The following EPB41L5 variants were observed in gnomAD, a reference collection of about 807,000 sequenced individuals.
The protein encoded by EPB41L5 is erythrocyte membrane protein band 4.1 like 5.
EPB41L5 carries 55 observed loss-of-function variants against 106.6 expected under a neutral mutation model. The ratio of observed to expected loss-of-function variants is 0.52; its 90% CI spans 0.42 to 0.65. EPB41L5 has a LOEUF of 0.65. EPB41L5 is among the 30% of genes least tolerant of loss of function. The pLI is 0.00. For synonymous variants in EPB41L5, 297 were observed against 306.7 expected, an observed-to-expected ratio of 0.97 and a Z score of 0.33; for missense variants, 871 against 882.1, an observed-to-expected ratio of 0.99 and a Z score of 0.16.
chr2:120,104,912 TATC>T, intron 16 of EPB41L5: 2 of 977,592 alleles, frequency 2.0e-6, no homozygotes, highest in South Asian at 9.5e-5. Context: ...AACATTCAGT[TATC>T]ATAACAGTTA....
At chr2:120,048,892 C>T (rs535545029) in intron 3 of EPB41L5, among the ~76,000 whole-genome samples, 39 of 152,236 alleles carry the variant, frequency 2.6e-4, no homozygotes, top group African/African-American at 9.4e-4. Context: ...TTTCAAAGAA[C>T]ATCTTTATTT....
intron 10 of EPB41L5, among the ~76,000 whole-genome samples, chr2:120,084,341 A>G (rs1682907571): frequency 6.6e-6 from 1 of 152,116 alleles, no homozygotes; most frequent in African/African-American, 2.4e-5. Flanking sequence ...ATCTCTCAGC[A>G]TTTGCTTGTC....
chr2:120,118,601 CAT>C (rs1240640139), intron 16 of EPB41L5, among the ~76,000 whole-genome samples: 1 of 152,076 alleles, frequency 6.6e-6, no homozygotes. Context: ...TAAGTGAGAA[CAT>C]GTTTGGTTTT....
At chr2:120,165,227 AAGAT>A (rs1687338750) in intron 22 of EPB41L5, among the ~76,000 whole-genome samples, 1 of 152,238 alleles carries the variant, frequency 6.6e-6, no homozygotes, top group Admixed American at 6.5e-5. Flanking sequence ...GTTTTATAGA[AAGAT>A]GAGAGCGTAA....
At chr2:120,169,599 T>G (rs1687577605) in intron 24 of EPB41L5, among the ~76,000 whole-genome samples, 1 of 152,210 alleles carries the variant, frequency 6.6e-6, no homozygotes, top group Non-Finnish European at 1.5e-5. Context: ...CTTCTGTCTC[T>G]CTCTCCCTCT....
intron 10 of EPB41L5, among the ~76,000 whole-genome samples, chr2:120,083,235 G>A (rs1261423903): frequency 6.6e-6 from 1 of 152,100 alleles, no homozygotes; most frequent in Non-Finnish European, 1.5e-5. Flanking sequence ...TTCTCTTGTG[G>A]ACATTTAGTG....
chr2:120,018,156 A>T (rs1677667625), intron 1 of EPB41L5, among the ~76,000 whole-genome samples: 2 of 151,128 alleles, frequency 1.3e-5, no homozygotes, highest in Non-Finnish European at 2.9e-5. Context: ...TTTAGTAGAG[A>T]CGGGGTTTCA....
intron 16 of EPB41L5, among the ~76,000 whole-genome samples, chr2:120,107,877 A>G (rs575131820): frequency 6.6e-5 from 10 of 152,290 alleles, no homozygotes; most frequent in East Asian, 1.9e-4. Flanking sequence ...TCTTTCATCA[A>G]TTCCTGACAA....
chr2:120,073,242 T>TG, intron 4 of EPB41L5, 22 bp downstream of exon 4: 2 of 1,567,022 alleles, frequency 1.3e-6, no homozygotes, highest in Non-Finnish European at 1.7e-6. Flanking sequence ...CAAAATTATT[T>TG]GTGGGGGGGA....
chr2:120,061,603 C>T (rs1056592023), intron 3 of EPB41L5, among the ~76,000 whole-genome samples: 7 of 152,054 alleles, frequency 4.6e-5, no homozygotes, highest in South Asian at 2.1e-4. Flanking sequence ...CTGCCCTCCT[C>T]GGCCTCCCAA....
intron 11 of EPB41L5, 136 bp from the exon 12 acceptor site, chr2:120,090,210 GT>G: frequency 1.7e-6 from 1 of 582,718 alleles, no homozygotes. Context: ...CCCTTATTAT[GT>G]TGATACTATA....
chr2:120,147,701 A>G (rs1029649049), intron 20 of EPB41L5, among the ~76,000 whole-genome samples: 5 of 150,768 alleles, frequency 3.3e-5, no homozygotes, highest in Non-Finnish European at 7.4e-5. Context: ...TACTATTGTT[A>G]TTATTGAAGT....
intron 3 of EPB41L5, among the ~76,000 whole-genome samples, chr2:120,071,038 AAGTC>A (rs1439377382): frequency 6.6e-6 from 1 of 152,222 alleles, no homozygotes; most frequent in Non-Finnish European, 1.5e-5. Flanking sequence ...GGAAGAGAGG[AAGTC>A]AGATTGCCTC....
chr2:120,114,446 A>G (rs1331645760), intron 16 of EPB41L5, among the ~76,000 whole-genome samples: 1 of 152,186 alleles, frequency 6.6e-6, no homozygotes, highest in Non-Finnish European at 1.5e-5. Flanking sequence ...GTCAAACTGC[A>G]GGCTAATGTA....
At chr2:120,156,666 C>T (rs1477853088) in intron 20 of EPB41L5, among the ~76,000 whole-genome samples, 1 of 152,178 alleles carries the variant, frequency 6.6e-6, no homozygotes, top group Admixed American at 6.5e-5. Flanking sequence ...CCACCCCTGC[C>T]TGCAGTGCAC....
At chr2:120,134,553 G>T (rs1309260557) in intron 18 of EPB41L5, among the ~76,000 whole-genome samples, 1 of 152,162 alleles carries the variant, frequency 6.6e-6, no homozygotes, top group Non-Finnish European at 1.5e-5. Flanking sequence ...TAGCCACAGG[G>T]GTGCTTGTGT....
At chr2:120,098,636 A>G (rs1683929741) in intron 14 of EPB41L5, among the ~76,000 whole-genome samples, 1 of 152,240 alleles carries the variant, frequency 6.6e-6, no homozygotes, top group Admixed American at 6.5e-5. Context: ...GGTGTACAGA[A>G]TAGACCTAGT....
intron 2 of EPB41L5, among the ~76,000 whole-genome samples, chr2:120,035,974 C>T (rs1455924635): frequency 6.6e-6 from 1 of 151,968 alleles, no homozygotes; most frequent in East Asian, 1.9e-4. Context: ...GGGGGCTGCT[C>T]CTGTGGCTGT....
chr2:120,050,156 C>G (rs1303091334), intron 3 of EPB41L5, among the ~76,000 whole-genome samples: 1 of 152,122 alleles, frequency 6.6e-6, no homozygotes, highest in Non-Finnish European at 1.5e-5. Context: ...AGTTGCTCTT[C>G]TCGAGGAGTA....
Sources: allele counts gnomAD v4.1 joint callset (sites outside exome capture counted in the v4.1 genomes callset), GRCh38; gene constraint gnomAD v4.1.1; transcripts MANE v1.5; gene names NCBI Gene and HGNC (gene_info 2026-07-23, HGNC 2026-07-21).